Variants in ZNF729 observed in about 807,000 individuals in gnomAD.
ZNF729 encodes the protein zinc finger protein 729.
A neutral mutation model predicts 12.2 loss-of-function variants in ZNF729; 15 were observed. The ratio of observed to expected loss-of-function variants is 1.23; its 90% confidence interval spans 0.82 to 1.89. ZNF729 has a LOEUF of 1.89. ZNF729 is among the 40% of genes most tolerant of loss of function. The probability of loss-of-function intolerance (pLI) is 0.00; values close to 1 mark genes in which losing one functional copy is unlikely to be tolerated. For synonymous variants in ZNF729, 492 were observed against 476.3 expected (o/e 1.03, Z -0.43); for missense variants, 1,540 against 1,456.7 (o/e 1.06, Z -0.93).
At chr19:22,309,382 T>C (rs1968423201) in intron 3 of ZNF729, among the ~76,000 whole-genome samples, 1 of 152,058 alleles carries the variant, frequency 6.6e-6, no homozygotes, top group African/African-American at 2.4e-5. Context: ...GAGGCAGAGG[T>C]TGTGGTGAGC....
chr19:22,303,803 G>A lies in ZNF729; in HGVS notation c.76G>A (p.Glu26Lys), dbSNP rs771089095. The change falls in exon 2 of 4, where the codon GAG becomes AAG. Residue 26 changes from glutamate (E) to lysine (K), a missense_variant. Coordinates refer to ENST00000601693, the MANE Select transcript of ZNF729 (RefSeq NM_001242680.2). Reference protein sequence around the residue: ...RDVTIEFSLEEWQCLDTVQQN... With the variant: ...RDVTIEFSLEKWQCLDTVQQN... ...TGTGACCATAGAATTCTCTCTGGAG[G>A]AGTGGCAATGCCTGGACACGGTTCA... is the stretch of plus-strand genomic sequence containing the variant. 6.3e-7 allele frequency: 1 copy of A among 1,576,058 alleles called. No individual in the cohort carries two copies. The highest frequency in any genetic ancestry group is 8.6e-7 in the Non-Finnish European group (1 of 1,156,246).
rs1968502124 is a variant in ZNF729 at position 22,314,694 on chromosome 19, A to T, written c.1277A>T (p.His426Leu). ...FSTLKKHKII[H>L]TGKKPYKCEE... Reference sequence around the variant, plus strand: ...ACCCTTAAAAAACATAAGATAATTCATACTGGAAAGAAACCCTACAAATGT... The same window carrying T: ...ACCCTTAAAAAACATAAGATAATTCTTACTGGAAAGAAACCCTACAAATGT... The change falls in exon 4 of 4, where the codon CAT becomes CTT. Residue 426 changes from histidine (H) to leucine (L), a missense_variant. Physicochemically the swap from His to Leu is moderately conservative, Grantham distance 99 (BLOSUM62 -3). Coordinates refer to ENST00000601693, the MANE Select transcript of ZNF729 (RefSeq NM_001242680.2). 2 of 1,613,106 alleles carry T rather than the reference A, an allele frequency of 1.2e-6. No homozygotes were observed. The highest frequency in any genetic ancestry group is 1.7e-6 in the Non-Finnish European group (2 of 1,179,852).
chr19:22,308,139 CTTCACTTAGAA>C (rs138573481), intron 3 of ZNF729, among the ~76,000 whole-genome samples: 6,267 of 152,190 alleles, frequency 0.041, 162 homozygotes, highest in African/African-American at 0.072. Flanking sequence ...TTCTGAGTTA[CTTCACTTAGAA>C]TGATAGTCTC....
chr19:22,310,025 G>T (rs528842687), intron 3 of ZNF729, among the ~76,000 whole-genome samples: 1 of 151,602 alleles, frequency 6.6e-6, no homozygotes, highest in African/African-American at 2.4e-5. Flanking sequence ...GGTCGCTGTT[G>T]GTGTATAGAA....
At chr19:22,312,590 A>C (rs540014835) in intron 3 of ZNF729, among the ~76,000 whole-genome samples, 2 of 152,238 alleles carry the variant, frequency 1.3e-5, no homozygotes, top group Admixed American at 1.3e-4. Flanking sequence ...CTTTGGTCTC[A>C]GCAGACTCAA....
At chr19:22,306,495 TTTATG>T (rs1968379423) in intron 3 of ZNF729, among the ~76,000 whole-genome samples, 1 of 149,040 alleles carries the variant, frequency 6.7e-6, no homozygotes, top group Non-Finnish European at 1.5e-5. Context: ...ATTGTTCTGT[TTTATG>T]TTTTTTTTTT....
intron 1 of ZNF729, among the ~76,000 whole-genome samples, chr19:22,300,481 A>G (rs1481295412): frequency 6.6e-6 from 1 of 152,230 alleles, no homozygotes; most frequent in Non-Finnish European, 1.5e-5. Context: ...CAGACATGAT[A>G]TATAAATATA....
intron 2 of ZNF729, 60 bp from the exon 3 acceptor site, chr19:22,304,628 A>G: frequency 7.2e-7 from 1 of 1,385,120 alleles, no homozygotes; most frequent in Admixed American, 2.0e-5. Flanking sequence ...ATTCTCTTTA[A>G]TGAGCATATT....
intron 1 of ZNF729, among the ~76,000 whole-genome samples, chr19:22,298,604 C>T (rs1968263282): frequency 6.6e-6 from 1 of 152,196 alleles, no homozygotes; most frequent in Non-Finnish European, 1.5e-5. Flanking sequence ...TCCTCCACCT[C>T]CTGGGCTCAG....
intron 1 of ZNF729, among the ~76,000 whole-genome samples, chr19:22,302,854 A>G (rs188884743): frequency 2.1e-4 from 24 of 112,926 alleles, no homozygotes; most frequent in Admixed American, 1.9e-3. Flanking sequence ...CAGTGGCGCA[A>G]TCTCAGCTCA....
chr19:22,304,977 T>C lies in ZNF729; in HGVS notation c.253+194T>C, dbSNP rs112511003. On this transcript the variant is annotated intron_variant, in intron 3 of 3. Coordinates refer to ENST00000601693, the MANE Select transcript of ZNF729 (RefSeq NM_001242680.2). ...GCTTTAAAATTCTCTAAGGATTCTGTTTTCATTTTGGTGATCTCCCTTCAA... is the reference window on the plus strand; with the variant it reads ...GCTTTAAAATTCTCTAAGGATTCTGCTTTCATTTTGGTGATCTCCCTTCAA... 3.0e-3 allele frequency among the ~76,000 whole-genome samples: 455 copies of C among 152,280 alleles called. 4 individuals carry two copies. Among genetic ancestry groups the C allele is most frequent in the African/African-American group, 0.011 (443 of 41,552 alleles).
intron 3 of ZNF729, among the ~76,000 whole-genome samples, chr19:22,307,485 TG>T (rs1968394110): frequency 6.6e-6 from 1 of 151,948 alleles, no homozygotes; most frequent in Non-Finnish European, 1.5e-5. Flanking sequence ...GGCTTATGCC[TG>T]TAATCCCAGC....
rs1968545565 is a variant in ZNF729, at chr19:22,316,556, C to A, written c.3139C>A (p.Pro1047Thr). 1.2e-6 allele frequency: 2 copies of A among 1,613,590 alleles called. No homozygotes were observed. The highest frequency in any genetic ancestry group is 1.1e-5 in the South Asian group (1 of 91,072). Residue 1047 changes from proline to threonine, a missense_variant, in exon 4 of 4, where the codon CCC (proline) becomes ACC (threonine). Coordinates refer to ENST00000601693, the MANE Select transcript of ZNF729 (RefSeq NM_001242680.2). ...TAAGATAATTCATACTGGGGAGAAACCCTACAAATGTGAAGAATGTGGTAA... is the reference window on the plus strand; with the variant it reads ...TAAGATAATTCATACTGGGGAGAAAACCTACAAATGTGAAGAATGTGGTAA... ...KHKIIHTGEK[P>T]YKCEECGKAF...
intron 1 of ZNF729, among the ~76,000 whole-genome samples, chr19:22,292,011 C>T (rs1411809725): frequency 6.6e-6 from 1 of 152,302 alleles, no homozygotes; most frequent in African/African-American, 2.4e-5. Flanking sequence ...GGATTACAGG[C>T]GTGAGCCACT....
rs780196829 is a variant in ZNF729, at chr19:22,316,952, A to C, written c.3535A>C (p.Lys1179Gln). 4.3e-6 allele frequency: 7 copies of C among 1,612,878 alleles called. No individual in the cohort carries two copies. The highest frequency in any genetic ancestry group is 2.7e-5 in the African/African-American group (2 of 74,872). Residue 1179 changes from lysine (K) to glutamine (Q), a missense_variant, in exon 4 of 4, where the codon AAA becomes CAA. Transcript: ENST00000601693. ...CCAGTCCTCACACCTTACTAGACAC[A>C]AAACAATTCATACTGGAGAGAAACC... The part of the protein sequence containing the change: ...FNQSSHLTRH[K>Q]TIHTGEKPYK...
intron 1 of ZNF729, among the ~76,000 whole-genome samples, chr19:22,295,149 T>C (rs532954127): frequency 3.1e-4 from 47 of 152,128 alleles, no homozygotes; most frequent in Non-Finnish European, 4.4e-4. Context: ...TCTGCCAATT[T>C]TTATACATTT....
At chr19:22,297,970 A>G (rs1246663038) in intron 1 of ZNF729, among the ~76,000 whole-genome samples, 1 of 135,386 alleles carries the variant, frequency 7.4e-6, no homozygotes, top group Non-Finnish European at 1.5e-5. Flanking sequence ...ACCCCATCGC[A>G]CTCTGGCCTG....
chr19:22,292,104 G>C (rs1968163513), intron 1 of ZNF729, among the ~76,000 whole-genome samples: 1 of 152,162 alleles, frequency 6.6e-6, no homozygotes, highest in South Asian at 2.1e-4. Flanking sequence ...AGGTGAAATT[G>C]TGTCGGGGGG....
Position 22,315,466 on chromosome 19 carries a change from G to T in ZNF729, c.2049G>T (p.Pro683=), listed in dbSNP as rs199959947. The change falls in exon 4 of 4, where the codon CCG becomes CCT. Residue 683 remains proline (P), a synonymous_variant. Coordinates refer to ENST00000601693, the MANE Select transcript of ZNF729 (RefSeq NM_001242680.2). Reference sequence around the variant, plus strand: ...AGATAATTCATACTGGAAAGAAACCGTACAAATGTGAAGAATGTGGCAAAG... The same window carrying T: ...AGATAATTCATACTGGAAAGAAACCTTACAAATGTGAAGAATGTGGCAAAG... ...RHKIIHTGKK[P]YKCEECGKAF... 10 of 1,604,040 alleles carry T rather than the reference G, an allele frequency of 6.2e-6. No individual in the cohort carries two copies. In the Middle Eastern group the frequency reaches 1.3e-3, roughly 214 times the overall value.
Sources: allele counts gnomAD v4.1 joint callset (sites outside exome capture counted in the v4.1 genomes callset), GRCh38; gene constraint gnomAD v4.1.1; transcripts MANE v1.5; gene names NCBI Gene and HGNC (gene_info 2026-07-23, HGNC 2026-07-21).